The following KDM4A variants were observed in gnomAD, a reference collection of about 807,000 sequenced individuals.
The protein encoded by KDM4A is lysine demethylase 4A.
Under a neutral mutation model 127.1 loss-of-function variants are expected in KDM4A, and 23 were observed. That is an observed-to-expected ratio of 0.18 (90% CI 0.13 to 0.26). KDM4A has a LOEUF of 0.26. KDM4A is among the 10% of genes least tolerant of loss of function. The pLI is 1.00. For synonymous variants in KDM4A, 443 were observed against 466.5 expected (o/e 0.95, Z 0.65); for missense variants, 890 against 1,329.1 (o/e 0.67, Z 5.14).
intron 11 of KDM4A, among the ~76,000 whole-genome samples, chr1:43,675,283 T>C (rs1272680300): frequency 6.6e-6 from 1 of 152,220 alleles, no homozygotes; most frequent in Non-Finnish European, 1.5e-5. Context: ...ATGCCTACTC[T>C]AGGCCAGGAC....
Position 43,654,702 on chromosome 1 carries a change from A to AGTGT in KDM4A, c.139-854_139-851dup, listed in dbSNP as rs58710892. ...GTGTTGCCTTATGCAGATGCTTGTG[A>AGTGT]GTGTGTGTGTGTGTGTGTGTGTGTG... On this transcript the variant is annotated intron_variant, in intron 2 of 21. Coordinates refer to ENST00000372396, the MANE Select transcript of KDM4A (RefSeq NM_014663.3). Among the ~76,000 whole-genome samples the AGTGT allele has an allele frequency of 6.6e-3, 864 of 131,894 alleles. 13 individuals carry two copies. The highest frequency in any genetic ancestry group is 0.021 in the African/African-American group (787 of 38,360). 86.5% of individuals were successfully genotyped at this position (131,894 alleles called of 152,430 possible). A position where few individuals can be genotyped will look rare whatever the true frequency, so the allele number is the denominator to read the frequency against.
chr1:43,660,153 G>C, intron 3 of KDM4A, 145 bp from the exon 4 acceptor site: 1 of 828,632 alleles, frequency 1.2e-6, no homozygotes, highest in Non-Finnish European at 1.9e-6. Context: ...GACTGACTAC[G>C]TATTAGAGCC....
rs144980256 is a variant in KDM4A at position 43,665,213 on chromosome 1, G to A, written c.624-483G>A. On this transcript the variant is annotated intron_variant, in intron 5 of 21. Coordinates refer to ENST00000372396, the MANE Select transcript of KDM4A (RefSeq NM_014663.3). ...TGTTGGGGAGATAAAGGGAAAGTGG[G>A]TTCATCAGCAGATACGGGGCTAGGT... Among the ~76,000 whole-genome samples, 443 of 152,232 alleles carry A rather than the reference G, an allele frequency of 2.9e-3. 4 individuals carry two copies. The highest frequency in any genetic ancestry group is 0.01 in the African/African-American group (425 of 41,532).
Position 43,689,091 on chromosome 1 carries a change from A to G in KDM4A, c.2033A>G (p.His678Arg), listed in dbSNP as rs376213794. The G allele has an allele frequency of 1.9e-6, 3 of 1,613,984 alleles. No homozygotes were observed. The highest frequency in any genetic ancestry group is 2.5e-6 in the Non-Finnish European group (3 of 1,179,960). The change falls in exon 13 of 22, where the codon CAT becomes CGT. Residue 678 changes from histidine (H) to arginine (R), a missense_variant. Physicochemically the swap from His to Arg is conservative, Grantham distance 29. Coordinates refer to ENST00000372396, the MANE Select transcript of KDM4A (RefSeq NM_014663.3). ...CAVCMIFQTY[H>R]QVEFGGFNQN... Reference sequence around the variant, plus strand: ...GTCTGTATGATCTTCCAGACTTATCATCAGGTAACCCAGCTCCATGCACTC... The same window carrying G: ...GTCTGTATGATCTTCCAGACTTATCGTCAGGTAACCCAGCTCCATGCACTC...
At chr1:43,700,995 T>A (rs373240521) in intron 19 of KDM4A, among the ~76,000 whole-genome samples, 1 of 151,934 alleles carries the variant, frequency 6.6e-6, no homozygotes, top group East Asian at 1.9e-4. Context: ...CGTTCTTGGC[T>A]CACTGCAACC....
In KDM4A at chr1:43,688,817, C is replaced by G; in HGVS notation, c.1856-97C>G. On this transcript the variant is annotated intron_variant, in intron 12 of 21. Transcript: ENST00000372396. The surrounding 1 kb of genome is among the most constrained non-coding windows in gnomAD (Gnocchi z 4.4). ...TTCAGGAGTCACCCTTGGTCCAAAC[C>G]TAGGATCAGGAGTCCTAGTGGAACT... The G allele has an allele frequency of 1.7e-6, 2 of 1,152,584 alleles. No homozygotes were observed. The highest frequency in any genetic ancestry group is 3.0e-5 in the South Asian group (2 of 67,438). The allele number at this position is 1,152,584 out of a possible 1,614,324, so 71.4% of individuals were successfully genotyped here.
rs932238718 is a variant in KDM4A at position 43,693,551 on chromosome 1, G to A, written c.2376-443G>A. The stretch of plus-strand genomic sequence containing the variant: ...AGAAGGGAGAGGTCATTTCAGCCTG[G>A]GGGAGAGGTTTGGGCAGAGGCCGAG... On this transcript the variant is annotated intron_variant, in intron 16 of 21. Coordinates refer to ENST00000372396, the MANE Select transcript of KDM4A (RefSeq NM_014663.3). The surrounding 1 kb of genome is among the most constrained non-coding windows in gnomAD (Gnocchi z 4.2). 6.6e-6 allele frequency among the ~76,000 whole-genome samples: 1 copy of A among 152,200 alleles called. No homozygotes were observed. The highest frequency in any genetic ancestry group is 6.5e-5 in the Admixed American group (1 of 15,272).
intron 13 of KDM4A, 32 bp from the exon 14 acceptor site, chr1:43,690,813 C>T (rs770710568): frequency 5.6e-6 from 9 of 1,599,406 alleles, no homozygotes; most frequent in African/African-American, 1.3e-5. Context: ...GGCACGTGCT[C>T]ACTGAGGTGT....
At chr1:43,701,050 G>A (rs936283793) in intron 19 of KDM4A, among the ~76,000 whole-genome samples, 10 of 151,594 alleles carry the variant, frequency 6.6e-5, no homozygotes, top group African/African-American at 1.5e-4. Flanking sequence ...AGCATCCCAA[G>A]TAGCTGCGAC....
chr1:43,666,231 C>A, intron 6 of KDM4A: 1 of 510,234 alleles, frequency 2.0e-6, no homozygotes, highest in Non-Finnish European at 3.4e-6. Flanking sequence ...CTTGGTTTCC[C>A]AAACAGGATT....
At chr1:43,669,439 A>G (rs1660570249) in intron 10 of KDM4A, 140 bp downstream of exon 10, 2 of 860,546 alleles carry the variant, frequency 2.3e-6, no homozygotes, top group Non-Finnish European at 3.8e-6. Flanking sequence ...GAGTGTGAGA[A>G]GTGCTTTGGG....
At chr1:43,675,070 T>C (rs1660710912) in intron 11 of KDM4A, among the ~76,000 whole-genome samples, 1 of 152,234 alleles carries the variant, frequency 6.6e-6, no homozygotes, top group Non-Finnish European at 1.5e-5. Flanking sequence ...CCCTTGAGTG[T>C]CTTCTTGGTT....
chr1:43,685,764 TCAA>T (rs150623615), intron 12 of KDM4A, among the ~76,000 whole-genome samples: 98,098 of 150,982 alleles, frequency 0.65, 32,514 homozygotes, highest in East Asian at 0.72. Context: ...AGTCTCTGTC[TCAA>T]CAACAACAAC....
intron 2 of KDM4A, among the ~76,000 whole-genome samples, chr1:43,654,783 T>C (rs1329775067): frequency 6.7e-6 from 1 of 149,624 alleles, no homozygotes; most frequent in African/African-American, 2.5e-5. Flanking sequence ...TACTCTCTAA[T>C]TAAAAAAAAA....
chr1:43,701,230 A>T (rs571577157), intron 19 of KDM4A, among the ~76,000 whole-genome samples: 286 of 152,062 alleles, frequency 1.9e-3, no homozygotes, highest in Non-Finnish European at 2.6e-3. Context: ...TAAATATTTT[A>T]AAAATTACAT....
At chr1:43,685,332 G>A (rs1472664342) in intron 12 of KDM4A, among the ~76,000 whole-genome samples, 2 of 152,146 alleles carry the variant, frequency 1.3e-5, no homozygotes, top group African/African-American at 4.8e-5. Context: ...CTTGGTTGGT[G>A]ACTGGGCCCT....
chr1:43,654,410 A>AT (rs1660186953), intron 2 of KDM4A, among the ~76,000 whole-genome samples: 1 of 152,122 alleles, frequency 6.6e-6, no homozygotes, highest in Non-Finnish European at 1.5e-5. Context: ...TTAAAAGAGA[A>AT]TGGCATCATG....
chr1:43,669,045 TTGAG>T, intron 9 of KDM4A, 51 bp from the exon 10 acceptor site: 3 of 1,579,748 alleles, frequency 1.9e-6, no homozygotes, highest in Non-Finnish European at 2.6e-6. Context: ...ATGAATGTGT[TTGAG>T]TAAGTGGATG....
At chr1:43,662,500 C>T (rs372246978) in intron 4 of KDM4A, among the ~76,000 whole-genome samples, 11 of 152,116 alleles carry the variant, frequency 7.2e-5, no homozygotes, top group South Asian at 2.1e-4. Flanking sequence ...CCCAGGTGCG[C>T]GGGAGGCTGA....
Sources: gnomAD v4.1 joint callset for allele counts (sites outside exome capture counted in the v4.1 genomes callset) on GRCh38, gnomAD v4.1.1 for gene constraint, Gnocchi (gnomAD v3.1) non-coding constraint, MANE v1.5 for transcripts, NCBI Gene and HGNC (gene_info 2026-07-23, HGNC 2026-07-21) for gene names.